Variants in CAB39L observed in about 807,000 individuals in gnomAD.
The protein encoded by CAB39L is calcium-binding protein 39-like.
A neutral mutation model predicts 39.1 loss-of-function variants in CAB39L; 23 were observed. The ratio of observed to expected loss-of-function variants is 0.59; its 90% CI spans 0.42 to 0.83. CAB39L has a LOEUF of 0.83. Among genes scored for constraint, CAB39L ranks in the 40% least tolerant of loss-of-function variants. The pLI is 0.00. For missense variants in CAB39L, 366 were observed against 391.9 expected, an observed-to-expected ratio of 0.93 and a Z score of 0.56; for synonymous variants, 126 against 137.2, an observed-to-expected ratio of 0.92 and a Z score of 0.57.
chr13:49,332,014 T>A lies in CAB39L; in HGVS notation c.767A>T (p.Lys256Ile). ...TKYISKPENLKLMMNLLRDKS... is the reference protein window; with the variant it reads ...TKYISKPENLILMMNLLRDKS... Reference sequence around the variant, plus strand: ...ATCCCGAAGGAGGTTCATCATGAGTTTCAGGTTCTCCGGCTTGCTGATATA... The same window carrying A: ...ATCCCGAAGGAGGTTCATCATGAGTATCAGGTTCTCCGGCTTGCTGATATA... Residue 256 changes from lysine to isoleucine, a missense_variant, in exon 10 of 11, where the codon AAA becomes ATA. Lys to Ile is a moderately radical substitution (Grantham distance 102). Coordinates refer to ENST00000409308, the MANE Select transcript of CAB39L (RefSeq NM_001079670.3). 6.2e-7 allele frequency: 1 copy of A among 1,614,130 alleles called. No individual in the cohort carries two copies. The highest frequency in any genetic ancestry group is 8.5e-7 in the Non-Finnish European group (1 of 1,180,006).
intron 4 of CAB39L, among the ~76,000 whole-genome samples, chr13:49,381,488 A>G (rs903429857): frequency 5.9e-5 from 9 of 152,268 alleles, no homozygotes; most frequent in Admixed American, 5.2e-4. Flanking sequence ...AGATGTAAAT[A>G]TTTTTATATC....
chr13:49,332,327 G>C (rs1954727183), intron 9 of CAB39L, among the ~76,000 whole-genome samples: 1 of 152,132 alleles, frequency 6.6e-6, no homozygotes, highest in Non-Finnish European at 1.5e-5. Context: ...GTTGGTCTTT[G>C]CTGCAGCTCA....
chr13:49,435,595 G>A (rs1454710765), intron 1 of CAB39L, among the ~76,000 whole-genome samples: 2 of 152,178 alleles, frequency 1.3e-5, no homozygotes, highest in Admixed American at 1.3e-4. Flanking sequence ...CCGCCTCCCA[G>A]GTTCAAGCAA....
Position 49,382,884 on chromosome 13 carries a change from T to C in CAB39L, c.27A>G (p.Lys9=). The C allele has an allele frequency of 1.2e-6, 2 of 1,611,200 alleles. No individual in the cohort carries two copies. The highest frequency in any genetic ancestry group is 1.7e-6 in the Non-Finnish European group (2 of 1,178,522). Residue 9 remains lysine (K), a synonymous_variant, in exon 4 of 11, where the codon AAA becomes AAG. Transcript: ENST00000409308. ...CAATTTCTGCTGGATTTTTGTGTGA[T>C]TTACTAAACAAAGGCATTTTTTTCA... is the stretch of plus-strand genomic sequence containing the variant. MKKMPLFS[K]SHKNPAEIVK...
chr13:49,328,759 C>T (rs971902626), intron 10 of CAB39L, among the ~76,000 whole-genome samples: 7 of 152,036 alleles, frequency 4.6e-5, no homozygotes, highest in Non-Finnish European at 8.8e-5. Context: ...TGCTTGAGGC[C>T]GAGAGGTCAG....
At chr13:49,391,290 C>T (rs901262841) in intron 3 of CAB39L, among the ~76,000 whole-genome samples, 1 of 151,904 alleles carries the variant, frequency 6.6e-6, no homozygotes, top group African/African-American at 2.4e-5. Flanking sequence ...ACTAAAATTA[C>T]CTAAGGACAA....
At chr13:49,329,534 TA>T (rs777940622) in intron 10 of CAB39L, among the ~76,000 whole-genome samples, 463 of 17,358 alleles carry the variant, frequency 0.027, 5 homozygotes, top group Non-Finnish European at 0.031. Flanking sequence ...TCTCTTCAAT[TA>T]AAAAAAAAAA....
At chr13:49,332,127 A>G (rs1954718945) in intron 9 of CAB39L, 37 bp from the exon 10 acceptor site, 2 of 1,601,542 alleles carry the variant, frequency 1.2e-6, no homozygotes, top group Middle Eastern at 1.7e-4. Flanking sequence ...GTAATCTCAG[A>G]GCCACCTGAT....
intron 10 of CAB39L, among the ~76,000 whole-genome samples, chr13:49,323,187 GGC>G (rs1457281700): frequency 1.3e-5 from 2 of 152,108 alleles, no homozygotes; most frequent in Admixed American, 6.6e-5. Context: ...CTGATGACAT[GGC>G]CAACCTCAAG....
intron 6 of CAB39L, among the ~76,000 whole-genome samples, chr13:49,354,036 A>G (rs1450864832): frequency 1.3e-5 from 2 of 152,140 alleles, no homozygotes; most frequent in African/African-American, 4.8e-5. Context: ...ACATTTTCTC[A>G]TTTCTTAATT....
intron 3 of CAB39L, among the ~76,000 whole-genome samples, chr13:49,432,373 C>T (rs754946508): frequency 3.9e-5 from 6 of 152,158 alleles, no homozygotes; most frequent in East Asian, 1.9e-4. Context: ...CGGGCTCAAG[C>T]GATCCTCTTG....
At chr13:49,418,852 C>T (rs183549508) in intron 3 of CAB39L, among the ~76,000 whole-genome samples, 112 of 152,190 alleles carry the variant, frequency 7.4e-4, no homozygotes, top group African/African-American at 1.8e-3. Flanking sequence ...TGAGCCACCA[C>T]GCCCAGCCAA....
intron 3 of CAB39L, 109 bp from the exon 4 acceptor site, chr13:49,383,050 C>G: frequency 2.2e-6 from 1 of 456,944 alleles, no homozygotes; most frequent in Non-Finnish European, 3.9e-6. Context: ...TAATCTGAAA[C>G]ATTAAAAGTG....
At chr13:49,437,330 G>C (rs1029547009) in intron 1 of CAB39L, among the ~76,000 whole-genome samples, 1 of 151,874 alleles carries the variant, frequency 6.6e-6, no homozygotes, top group African/African-American at 2.4e-5. Context: ...TTTCTATTCT[G>C]GTTCACCAAG....
intron 8 of CAB39L, among the ~76,000 whole-genome samples, 187 bp downstream of exon 8, chr13:49,343,992 C>G (rs1224071623): frequency 6.6e-6 from 1 of 152,086 alleles, no homozygotes. Flanking sequence ...AGGTGAAAGC[C>G]CTGACCTCCT....
In CAB39L at chr13:49,310,765, C is replaced by T. The variant is rs773870582; in HGVS notation, c.*49G>A. On this transcript the variant is annotated 3_prime_UTR_variant, in exon 11 of 11. Transcript: ENST00000409308. The stretch of plus-strand genomic sequence containing the variant: ...TGACTTTCTGAAATGACACACTGTA[C>T]AAACTGGACAAATGAGACGACTGAC... The T allele has an allele frequency of 6.3e-7, 1 of 1,586,084 alleles. No individual in the cohort carries two copies. Among genetic ancestry groups the T allele is most frequent in the Non-Finnish European group, 8.6e-7 (1 of 1,163,040 alleles).
intron 8 of CAB39L, among the ~76,000 whole-genome samples, chr13:49,343,564 G>A (rs1938148091): frequency 6.6e-6 from 1 of 151,664 alleles, no homozygotes; most frequent in South Asian, 2.1e-4. Flanking sequence ...AAATAAGAGG[G>A]AGCCAGAGAG....
rs77492027 is a variant in CAB39L at position 49,399,863 on chromosome 13, T to A, written c.-31-16922A>T. Among the ~76,000 whole-genome samples, 1,208 of 152,176 alleles carry A rather than the reference T, an allele frequency of 7.9e-3. 12 individuals carry two copies. The highest frequency in any genetic ancestry group is 0.027 in the African/African-American group (1,122 of 41,550). ...AGAAGTAAAAGTAAGTTTGTGATAT[T>A]ATCTCTATGATGTTTACTTTTAAGT... On this transcript the variant is annotated intron_variant, in intron 3 of 10. Coordinates refer to ENST00000409308, the MANE Select transcript of CAB39L (RefSeq NM_001079670.3).
chr13:49,385,088 G>A (rs917352892), intron 3 of CAB39L, among the ~76,000 whole-genome samples: 5 of 152,076 alleles, frequency 3.3e-5, no homozygotes, highest in African/African-American at 1.2e-4. Context: ...CTTCCAATAC[G>A]AGGGTGTTCC....
Sources: gnomAD v4.1 joint callset for allele counts (sites outside exome capture counted in the v4.1 genomes callset) on GRCh38, gnomAD v4.1.1 for gene constraint, MANE v1.5 for transcripts, NCBI Gene and HGNC (gene_info 2026-07-23, HGNC 2026-07-21) for gene names.